TOMM20: variants seen among roughly 807,000 people sequenced by gnomAD.
TOMM20 encodes the protein translocase of outer mitochondrial membrane 20, also known as mitochondrial import receptor subunit TOM20 homolog.
TOMM20 carries 10 observed loss-of-function variants against 22.1 expected under a neutral mutation model. The observed-to-expected ratio is 0.45, with a 90% CI of 0.28 to 0.77. The LOEUF is 0.77. Ranked by LOEUF, TOMM20 falls within the 30% of genes least tolerant of loss-of-function variation. TOMM20 has a pLI of 0.13. For synonymous variants in TOMM20, 55 were observed against 61.4 expected, an observed-to-expected ratio of 0.90 and a Z score of 0.49; for missense variants, 121 against 172.2, an observed-to-expected ratio of 0.70 and a Z score of 1.66.
intron 3 of TOMM20, among the ~76,000 whole-genome samples, chr1:235,116,881 A>G (rs1187981055): frequency 2.0e-5 from 3 of 152,136 alleles, no homozygotes; most frequent in African/African-American, 7.2e-5. Flanking sequence ...CAAGCCTGTA[A>G]TCCCAGCACT....
chr1:235,123,253 G>C (rs1267143511), intron 1 of TOMM20, among the ~76,000 whole-genome samples: 1 of 152,194 alleles, frequency 6.6e-6, no homozygotes, highest in East Asian at 1.9e-4. Flanking sequence ...TTAGGAGGCT[G>C]AGCCAGGCAG....
chr1:235,118,339 C>T (rs1394981178), intron 3 of TOMM20, among the ~76,000 whole-genome samples: 1 of 152,138 alleles, frequency 6.6e-6, no homozygotes, highest in Non-Finnish European at 1.5e-5. Flanking sequence ...CAGTGTTATG[C>T]GATGCAAGGA....
chr1:235,122,464 T>C, intron 1 of TOMM20, 92 bp from the exon 2 acceptor site: 1 of 1,175,196 alleles, frequency 8.5e-7, no homozygotes, highest in Non-Finnish European at 1.2e-6. Context: ...TTAATTCCAT[T>C]TGCAAAACAT....
Position 235,111,966 on chromosome 1 carries a change from T to C in TOMM20, c.*98A>G, listed in dbSNP as rs1660745052. On this transcript the variant is annotated 3_prime_UTR_variant, in exon 5 of 5. Transcript: ENST00000366607. ...CTTTGGTAGATTTCAGTGTAGTTCA[T>C]AACAAGCATATTTGCCCTTATTCCC... 3.3e-6 allele frequency: 3 copies of C among 916,058 alleles called. No homozygotes were observed. Among genetic ancestry groups the C allele is most frequent in the Admixed American group, 2.1e-5 (1 of 46,746 alleles). 56.7% of individuals were successfully genotyped at this position (916,058 alleles called of 1,614,324 possible).
intron 3 of TOMM20, among the ~76,000 whole-genome samples, chr1:235,115,272 G>A (rs927562683): frequency 3.9e-5 from 6 of 152,174 alleles, no homozygotes; most frequent in South Asian, 4.1e-4. Context: ...GTTCTGTATA[G>A]GAGGTTCCCA....
At chr1:235,127,236 G>T (rs1325199264) in intron 1 of TOMM20, among the ~76,000 whole-genome samples, 1 of 152,206 alleles carries the variant, frequency 6.6e-6, no homozygotes, top group African/African-American at 2.4e-5. Context: ...GTCAGAAAAC[G>T]TGGAAGGCAA....
chr1:235,119,724 C>T (rs2102810690), intron 3 of TOMM20, 94 bp downstream of exon 3: 1 of 768,036 alleles, frequency 1.3e-6, no homozygotes, highest in Non-Finnish European at 2.0e-6. Flanking sequence ...CCTTTTCTAA[C>T]AGCCAAATTA....
rs1238441647 is a variant in TOMM20 at position 235,109,514 on chromosome 1, A to C, written c.*2550T>G. 6.6e-6 allele frequency: 1 copy of C among 152,236 alleles called. No homozygotes were observed. Among genetic ancestry groups the C allele is most frequent in the Non-Finnish European group, 1.5e-5 (1 of 68,038 alleles). The allele number at this position is 152,236 out of a possible 1,614,324, so 9.4% of individuals were successfully genotyped here. ...CTCTGGTCCACATGTTGATTTAATA[A>C]AGTCAGAATGGCAGGTGGGAGGATG... On this transcript the variant is annotated 3_prime_UTR_variant, in exon 5 of 5. Coordinates refer to ENST00000366607, the MANE Select transcript of TOMM20 (RefSeq NM_014765.3).
chr1:235,113,362 T>C (rs1004543666), intron 4 of TOMM20, among the ~76,000 whole-genome samples: 1 of 152,210 alleles, frequency 6.6e-6, no homozygotes, highest in Admixed American at 6.5e-5. Flanking sequence ...TGCTCTTGAA[T>C]GTCTAGAACC....
chr1:235,125,218 A>C (rs909266620), intron 1 of TOMM20, among the ~76,000 whole-genome samples: 8 of 137,852 alleles, frequency 5.8e-5, no homozygotes, highest in African/African-American at 2.2e-4. Context: ...TTTATTTTTT[A>C]TTTTTTTTCT....
intron 3 of TOMM20, among the ~76,000 whole-genome samples, chr1:235,116,952 G>C (rs576498220): frequency 5.3e-5 from 8 of 151,170 alleles, no homozygotes; most frequent in Non-Finnish European, 1.0e-4. Flanking sequence ...TGGCTAACAT[G>C]GTGAAACCCC....
chr1:235,127,946 C>T (rs769970934), intron 1 of TOMM20: 13 of 516,984 alleles, frequency 2.5e-5, no homozygotes, highest in African/African-American at 2.5e-4. Flanking sequence ...AGCAATGAGC[C>T]AGGCGGATCA....
intron 3 of TOMM20, among the ~76,000 whole-genome samples, chr1:235,114,808 A>C (rs1017639313): frequency 1.3e-5 from 2 of 152,160 alleles, no homozygotes; most frequent in East Asian, 3.8e-4. Context: ...ACAGTTTTTC[A>C]AAGTTCACTT....
rs748794801 is a variant in TOMM20 at position 235,122,352 on chromosome 1, C to A, written c.142G>T (p.Ala48Ser). The change falls in exon 2 of 5, where the codon GCC becomes TCC. Residue 48 changes from alanine to serine, a missense_variant. Physicochemically the swap from Ala to Ser is moderately conservative, Grantham distance 99. Coordinates refer to ENST00000366607, the MANE Select transcript of TOMM20 (RefSeq NM_014765.3). ...LRERRKKQKL[A>S]KERAGLSKLP... Reference sequence around the variant, plus strand: ...TTGGAAAGCCCAGCTCTCTCCTTGGCAAGCTTCTGTTTCTTTCTTCCTGCA... The same window carrying A: ...TTGGAAAGCCCAGCTCTCTCCTTGGAAAGCTTCTGTTTCTTTCTTCCTGCA... 6.4e-7 allele frequency: 1 copy of A among 1,570,084 alleles called. No individual in the cohort carries two copies. Among genetic ancestry groups the A allele is most frequent in the South Asian group, 1.2e-5 (1 of 80,692 alleles).
At chr1:235,114,719 G>A (rs1295267910) in intron 3 of TOMM20, among the ~76,000 whole-genome samples, 4 of 151,842 alleles carry the variant, frequency 2.6e-5, no homozygotes, top group Admixed American at 1.3e-4. Flanking sequence ...TTACAGGTGT[G>A]AGCCACCACG....
chr1:235,126,143 G>A (rs1451081974), intron 1 of TOMM20, among the ~76,000 whole-genome samples: 1 of 150,378 alleles, frequency 6.6e-6, no homozygotes, highest in Non-Finnish European at 1.5e-5. Context: ...ACACACACAC[G>A]TATATTTTGG....
intron 3 of TOMM20, chr1:235,119,503 A>G (rs1340292806): frequency 5.1e-6 from 1 of 195,666 alleles, no homozygotes; most frequent in Admixed American, 5.7e-5. Flanking sequence ...ATGGCTATAC[A>G]TTAGAAACTA....
At chr1:235,116,458 G>A (rs138495805) in intron 3 of TOMM20, among the ~76,000 whole-genome samples, 1 of 151,978 alleles carries the variant, frequency 6.6e-6, no homozygotes, top group Non-Finnish European at 1.5e-5. Flanking sequence ...AGAATCGCTT[G>A]AACCTGGAAG....
At chr1:235,126,410 C>T (rs1661023465) in intron 1 of TOMM20, among the ~76,000 whole-genome samples, 1 of 151,724 alleles carries the variant, frequency 6.6e-6, no homozygotes, top group Non-Finnish European at 1.5e-5. Flanking sequence ...AGATTACTAG[C>T]GTTGAGCCAC....
Sources: gnomAD v4.1 joint callset for allele counts (sites outside exome capture counted in the v4.1 genomes callset) on GRCh38, gnomAD v4.1.1 for gene constraint, MANE v1.5 for transcripts, NCBI Gene and HGNC (gene_info 2026-07-23, HGNC 2026-07-21) for gene names.